The following SNRPN variants were observed in gnomAD, a reference collection of about 807,000 sequenced individuals.
SNRPN encodes the protein small nuclear ribonucleoprotein polypeptide N.
A neutral mutation model predicts 25.2 loss-of-function variants in SNRPN; 7 were observed. That is an observed-to-expected ratio of 0.28 (90% CI 0.16 to 0.52). SNRPN has a LOEUF of 0.52. Ranked by LOEUF, SNRPN falls within the 20% of genes least tolerant of loss-of-function variation. SNRPN has a pLI of 0.96. For missense variants in SNRPN, 196 were observed against 322.5 expected, an observed-to-expected ratio of 0.61 and a Z score of 3.00; for synonymous variants, 124 against 110.6, an observed-to-expected ratio of 1.12 and a Z score of -0.76.
At chr15:24,880,265 G>T (rs908638227) in intron 1 of SNRPN, among the ~76,000 whole-genome samples, 1 of 152,128 alleles carries the variant, frequency 6.6e-6, no homozygotes, top group South Asian at 2.1e-4. Flanking sequence ...AGAAAAGGGC[G>T]ACAGAGTGAG....
chr15:24,975,583 A>AT, intron 5 of SNRPN, 74 bp downstream of exon 5: 1 of 1,274,608 alleles, frequency 7.8e-7, no homozygotes, highest in Non-Finnish European at 1.1e-6. Flanking sequence ...GGAGTAAGGG[A>AT]TTTCCGAGGG....
At chr15:24,889,342 A>C (rs1231280053) in intron 2 of SNRPN, among the ~76,000 whole-genome samples, 7 of 151,754 alleles carry the variant, frequency 4.6e-5, no homozygotes. Flanking sequence ...TCATTCTGTC[A>C]CCCAGACTGG....
At chr15:24,938,965 T>C (rs1189308341) in intron 3 of SNRPN, among the ~76,000 whole-genome samples, 2 of 152,168 alleles carry the variant, frequency 1.3e-5, no homozygotes, top group East Asian at 3.8e-4. Context: ...TAGCTAGCTT[T>C]GGGAAGGACA....
At chr15:24,880,298 G>A (rs11632028) in intron 1 of SNRPN, among the ~76,000 whole-genome samples, 42,454 of 151,942 alleles carry the variant, frequency 0.28, 6,115 homozygotes, top group African/African-American at 0.31. Context: ...AAAGAGGGGG[G>A]TGGTGGTGGA....
At chr15:24,907,201 C>T (rs1049248274) in intron 2 of SNRPN, among the ~76,000 whole-genome samples, 1 of 152,076 alleles carries the variant, frequency 6.6e-6, no homozygotes, top group East Asian at 1.9e-4. Context: ...AGATTCGCAG[C>T]CCAGGAAGTC....
At chr15:24,868,756 G>A (rs553182205) in intron 1 of SNRPN, among the ~76,000 whole-genome samples, 46 of 152,184 alleles carry the variant, frequency 3.0e-4, no homozygotes, top group African/African-American at 1.1e-3. Context: ...TAGTCTCATG[G>A]GTCTCATTAT....
At chr15:24,971,706 CAA>C in intron 3 of SNRPN, among the ~76,000 whole-genome samples, 1 of 152,008 alleles carries the variant, frequency 6.6e-6, no homozygotes, top group Admixed American at 6.6e-5. Flanking sequence ...TGATTTTTCA[CAA>C]AAAAATTCCA....
chr15:24,867,248 A>G (rs1421980443), intron 1 of SNRPN, among the ~76,000 whole-genome samples: 2 of 152,134 alleles, frequency 1.3e-5, no homozygotes, highest in Non-Finnish European at 2.9e-5. Flanking sequence ...TCTCATCAAC[A>G]GTGTGCAGGG....
intron 2 of SNRPN, among the ~76,000 whole-genome samples, chr15:24,914,173 C>A (rs2059388782): frequency 6.6e-6 from 1 of 152,162 alleles, no homozygotes; most frequent in African/African-American, 2.4e-5. Flanking sequence ...GAACAAAAAA[C>A]TTCCCTGCAT....
At chr15:24,829,873 G>A (rs550305467) in exon 2 of SNRPN, 1 of 152,246 alleles carries the variant, frequency 6.6e-6, no homozygotes, top group African/African-American at 2.4e-5. Context: ...ACACCACAGG[G>A]TGAGAGCATC....
chr15:24,869,720 C>A (rs12592215), intron 1 of SNRPN, among the ~76,000 whole-genome samples: 32,120 of 152,092 alleles, frequency 0.21, 3,768 homozygotes, highest in East Asian at 0.36. Context: ...ATTACCTGGA[C>A]AAGTTAGCCT....
chr15:24,883,742 T>G (rs1455170721), intron 1 of SNRPN, among the ~76,000 whole-genome samples: 1 of 152,162 alleles, frequency 6.6e-6, no homozygotes, highest in Admixed American at 6.5e-5. Context: ...CTGGGCACAG[T>G]GGCTCATGCC....
At chr15:24,840,472 T>A (rs2143000619) in intron 2 of SNRPN, among the ~76,000 whole-genome samples, 1 of 152,338 alleles carries the variant, frequency 6.6e-6, no homozygotes, top group Admixed American at 6.5e-5. Context: ...GCCAGAGACA[T>A]CCATCACTGT....
rs1215110855 is a variant in SNRPN at position 24,871,989 on chromosome 15, G to A, written c.-578-14527G>A. On this transcript the variant is annotated intron_variant, in intron 1 of 11. Transcript: ENST00000400097. ...CAAAGTGCTAGGATTACAGGCGTAA[G>A]CCACCACGCCCGGCCTTTTGTCCTC... Among the ~76,000 whole-genome samples, 7 of 120,190 alleles carry A rather than the reference G, an allele frequency of 5.8e-5. 1 individual carries two copies. Among genetic ancestry groups the A allele is most frequent in the African/African-American group, 2.0e-4 (7 of 35,208 alleles). 78.8% of individuals were successfully genotyped at this position (120,190 alleles called of 152,430 possible). A position where few individuals can be genotyped will look rare whatever the true frequency, so the allele number is the denominator to read the frequency against.
At chr15:24,924,944 T>C (rs534503427) in intron 3 of SNRPN, among the ~76,000 whole-genome samples, 1 of 152,174 alleles carries the variant, frequency 6.6e-6, no homozygotes, top group Admixed American at 6.5e-5. Flanking sequence ...GGATGATAAA[T>C]GTCTGCATGT....
intron 3 of SNRPN, among the ~76,000 whole-genome samples, chr15:24,973,174 C>T (rs1013236298): frequency 1.3e-5 from 2 of 152,128 alleles, no homozygotes; most frequent in Non-Finnish European, 1.5e-5. Flanking sequence ...TGGGCGTGAG[C>T]CACCACACCC....
At chr15:24,882,823 C>CAAAAAAAAAAAAAAAAAAAAAAAAAAA (rs10543501) in intron 1 of SNRPN, among the ~76,000 whole-genome samples, 5 of 127,150 alleles carry the variant, frequency 3.9e-5, no homozygotes, top group Admixed American at 9.3e-5. Flanking sequence ...GACTCCATCT[C>CAAAAAAAAAAAAAAAAAAAAAAAAAAA]AAAAAAAAAA....
At chr15:24,837,509 C>T (rs1278139249) in intron 2 of SNRPN, among the ~76,000 whole-genome samples, 1 of 150,832 alleles carries the variant, frequency 6.6e-6, no homozygotes, top group South Asian at 2.1e-4. Context: ...GCTGGGACTA[C>T]AGGCGCCCAC....
chr15:24,951,251 T>C (rs1286310046), upstream of SNRPN, among the ~76,000 whole-genome samples: 2 of 151,870 alleles, frequency 1.3e-5, no homozygotes, highest in African/African-American at 4.8e-5. Flanking sequence ...TGCCAAACTC[T>C]TCCACTGTGG....
Sources: gnomAD v4.1 joint callset for allele counts (sites outside exome capture counted in the v4.1 genomes callset) on GRCh38, gnomAD v4.1.1 for gene constraint, MANE v1.5 for transcripts, NCBI Gene and HGNC (gene_info 2026-07-23, HGNC 2026-07-21) for gene names.